The following PTPRD variants were observed in gnomAD, a reference collection of about 807,000 sequenced individuals.
PTPRD encodes protein tyrosine phosphatase receptor type D.
A neutral mutation model predicts 214.5 loss-of-function variants in PTPRD; 34 were observed. The ratio of observed to expected loss-of-function variants is 0.16; its 90% CI spans 0.12 to 0.21. The LOEUF (loss-of-function observed/expected upper bound fraction) is 0.21. PTPRD is among the 10% of genes least tolerant of loss of function. The pLI is 1.00. For missense variants in PTPRD, 2,545 were observed against 2,398.7 expected (o/e 1.06, Z -1.27); for synonymous variants, 1,128 against 845.7 (o/e 1.33, Z -5.79).
chr9:9,154,233 A>T (rs1454229649), intron 10 of PTPRD, among the ~76,000 whole-genome samples: 1 of 152,212 alleles, frequency 6.6e-6, no homozygotes, highest in Non-Finnish European at 1.5e-5. Context: ...AAATATGTTT[A>T]TAGTAATAAG....
At chr9:10,203,266 G>C (rs1484764973) in intron 3 of PTPRD, among the ~76,000 whole-genome samples, 1 of 151,416 alleles carries the variant, frequency 6.6e-6, no homozygotes, top group African/African-American at 2.4e-5. Context: ...CTAGCACACA[G>C]GAAGCACTCA....
chr9:9,549,147 A>G lies in PTPRD; in HGVS notation c.-237+25585T>C, dbSNP rs1288277893. ...GAAAGCACAAACTTATAAAAGAAAA[A>G]AAGCTTAAAACTCGGGCTTAATCAT... is the stretch of plus-strand genomic sequence containing the variant. On this transcript the variant is annotated intron_variant, in intron 8 of 45. Transcript: ENST00000381196. 3.3e-5 allele frequency among the ~76,000 whole-genome samples: 5 copies of G among 152,200 alleles called. No homozygotes were observed. The East Asian group carries it at 5.8e-4, about 18-fold the overall frequency.
intron 3 of PTPRD, among the ~76,000 whole-genome samples, chr9:10,181,424 G>C (rs1332167083): frequency 6.6e-6 from 1 of 152,040 alleles, no homozygotes; most frequent in African/African-American, 2.4e-5. Flanking sequence ...TGACATTGTG[G>C]ATATCTGTTT....
At chr9:8,412,611 G>A (rs1443721598) in intron 35 of PTPRD, among the ~76,000 whole-genome samples, 1 of 152,086 alleles carries the variant, frequency 6.6e-6, no homozygotes, top group Non-Finnish European at 1.5e-5. Context: ...TAGATGTTTT[G>A]CCTTCTCTTG....
intron 7 of PTPRD, among the ~76,000 whole-genome samples, chr9:9,636,499 CAT>C (rs1472796703): frequency 6.7e-4 from 98 of 147,364 alleles, no homozygotes; most frequent in African/African-American, 2.6e-3. Flanking sequence ...TAGATATACA[CAT>C]ACACAGAGCC....
chr9:9,003,343 G>C (rs1400661574), intron 11 of PTPRD, among the ~76,000 whole-genome samples: 1 of 151,968 alleles, frequency 6.6e-6, no homozygotes, highest in Non-Finnish European at 1.5e-5. Flanking sequence ...TAGGCAGTCT[G>C]GCTGTTGCAT....
At chr9:8,757,556 C>T (rs2094097222) in intron 11 of PTPRD, among the ~76,000 whole-genome samples, 1 of 151,080 alleles carries the variant, frequency 6.6e-6, no homozygotes, top group Admixed American at 6.6e-5. Flanking sequence ...CAATAAATCT[C>T]AAACTATCAA....
chr9:10,453,892 C>G (rs2098877534), intron 2 of PTPRD, among the ~76,000 whole-genome samples: 1 of 151,544 alleles, frequency 6.6e-6, no homozygotes, highest in Non-Finnish European at 1.5e-5. Context: ...AGAAAAAAAG[C>G]TTTCAGCATT....
intron 5 of PTPRD, among the ~76,000 whole-genome samples, chr9:9,884,772 A>G (rs892493362): frequency 1.3e-5 from 2 of 152,156 alleles, no homozygotes; most frequent in Non-Finnish European, 2.9e-5. Flanking sequence ...TGATGGTTTT[A>G]TAAGGGGCTT....
At chr9:8,485,526 T>G (rs1486046780) in intron 28 of PTPRD, 2 of 621,256 alleles carry the variant, frequency 3.2e-6, no homozygotes, top group South Asian at 2.1e-5. Flanking sequence ...TTCAGCCAAC[T>G]CTATTGTGTT....
chr9:9,947,653 C>T (rs1285311796), intron 4 of PTPRD, among the ~76,000 whole-genome samples: 7 of 69,052 alleles, frequency 1.0e-4, no homozygotes, highest in East Asian at 1.2e-3. Flanking sequence ...TATATATATA[C>T]ACCATGGCAT....
intron 2 of PTPRD, among the ~76,000 whole-genome samples, chr9:10,585,845 GT>G (rs1168842032): frequency 1.3e-5 from 2 of 151,790 alleles, no homozygotes; most frequent in East Asian, 3.9e-4. Context: ...ACAGATTTTA[GT>G]TTACAAAAAT....
intron 3 of PTPRD, among the ~76,000 whole-genome samples, chr9:10,208,009 C>A (rs1285214082): frequency 6.6e-6 from 1 of 152,148 alleles, no homozygotes; most frequent in Non-Finnish European, 1.5e-5. Context: ...ACTAGACCTG[C>A]ACATACACAA....
At chr9:9,243,226 C>T (rs967911766) in intron 9 of PTPRD, among the ~76,000 whole-genome samples, 6 of 152,062 alleles carry the variant, frequency 3.9e-5, no homozygotes, top group African/African-American at 1.4e-4. Context: ...GGAGGAGCTG[C>T]TACCATTCCT....
intron 7 of PTPRD, among the ~76,000 whole-genome samples, chr9:9,727,318 G>A (rs948530538): frequency 6.6e-6 from 1 of 151,966 alleles, no homozygotes; most frequent in African/African-American, 2.4e-5. Flanking sequence ...AGGCGTGATG[G>A]CACAAGCCTA....
intron 5 of PTPRD, among the ~76,000 whole-genome samples, chr9:9,811,006 G>T (rs1219455957): frequency 6.6e-6 from 1 of 152,070 alleles, no homozygotes; most frequent in Non-Finnish European, 1.5e-5. Context: ...GGGAGGCCTA[G>T]ACGGGAGAAT....
intron 11 of PTPRD, among the ~76,000 whole-genome samples, chr9:8,959,371 G>C (rs1258889237): frequency 1.3e-5 from 2 of 151,984 alleles, no homozygotes; most frequent in African/African-American, 2.4e-5. Flanking sequence ...ATGAGTTGAG[G>C]AGAGCCAGGA....
chr9:10,584,217 C>A (rs1037049681), intron 2 of PTPRD, among the ~76,000 whole-genome samples: 3 of 151,920 alleles, frequency 2.0e-5, no homozygotes, highest in African/African-American at 7.3e-5. Flanking sequence ...AAGAAAGGCT[C>A]TTATCTCTTT....
intron 26 of PTPRD, among the ~76,000 whole-genome samples, chr9:8,494,769 G>C (rs914741602): frequency 6.6e-6 from 1 of 152,218 alleles, no homozygotes; most frequent in Non-Finnish European, 1.5e-5. Flanking sequence ...GTTCCCTGCA[G>C]TGGTATAATC....
Sources: gnomAD v4.1 joint callset for allele counts (sites outside exome capture counted in the v4.1 genomes callset) on GRCh38, gnomAD v4.1.1 for gene constraint, MANE v1.5 for transcripts, NCBI Gene and HGNC (gene_info 2026-07-23, HGNC 2026-07-21) for gene names.